Variants in ADAM12 observed in about 807,000 individuals in gnomAD.
ADAM12 encodes ADAM metallopeptidase domain 12, also known as disintegrin and metalloproteinase domain-containing protein 12.
A neutral mutation model predicts 106.4 loss-of-function variants in ADAM12; 70 were observed. The observed-to-expected ratio is 0.66, with a 90% CI of 0.54 to 0.80. The LOEUF (loss-of-function observed/expected upper bound fraction) is 0.80, where lower values mean the gene tolerates loss of function less well. Ranked by LOEUF, ADAM12 falls within the 30% of genes least tolerant of loss-of-function variation. The pLI, the probability that ADAM12 is intolerant of heterozygous loss-of-function variation, is 0.00. For missense variants in ADAM12, 1,010 were observed against 1,171.9 expected (o/e 0.86, Z 2.02); for synonymous variants, 420 against 433.5 (o/e 0.97, Z 0.39).
intron 1 of ADAM12, among the ~76,000 whole-genome samples, chr10:126,381,035 GC>G (rs1438680319): frequency 6.6e-6 from 1 of 152,172 alleles, no homozygotes; most frequent in Admixed American, 6.5e-5. Context: ...AAATGATGTA[GC>G]TACATTCCTT....
Position 126,388,220 on chromosome 10 carries a change from G to T in ADAM12, c.-75C>A. The T allele has an allele frequency of 5.0e-6, 6 of 1,192,070 alleles. No individual in the cohort carries two copies. Among genetic ancestry groups the T allele is most frequent in the Non-Finnish European group, 6.2e-6 (6 of 962,194 alleles). 73.8% of individuals were successfully genotyped at this position (1,192,070 alleles called of 1,614,324 possible). On this transcript the variant is annotated 5_prime_UTR_variant, in exon 1 of 23. Transcript: ENST00000448723. This position sits in a 1 kb window ranked among gnomAD's most constrained non-coding sequence, Gnocchi z 4.4. ...CACCATCCCACGCGGGCGCCGAGCC[G>T]GGGCCGGGCGTCGCGACCGGAGGGA... is the stretch of plus-strand genomic sequence containing the variant.
chr10:126,080,603 C>T (rs1419828219), intron 11 of ADAM12, among the ~76,000 whole-genome samples: 2 of 152,256 alleles, frequency 1.3e-5, no homozygotes, highest in African/African-American at 2.4e-5. Context: ...CTGTGGCCCC[C>T]GCTACGATGT....
chr10:126,347,713 T>C (rs1309062579), intron 1 of ADAM12, among the ~76,000 whole-genome samples: 8 of 152,240 alleles, frequency 5.3e-5, no homozygotes, highest in Admixed American at 5.2e-4. Flanking sequence ...TCAGTTATTT[T>C]TATTTCTTAA....
In ADAM12 at chr10:126,041,995, C is replaced by T. The variant is rs73374552; in HGVS notation, c.2104+1045G>A. On this transcript the variant is annotated intron_variant, in intron 18 of 22. Transcript: ENST00000448723. ...AGGCTGGACTTCCCCTCCTGAGCCC[C>T]GAGAACTGTGTTGTGTCTGTTGTCA... is the stretch of plus-strand genomic sequence containing the variant. The T allele has an allele frequency of 9.1e-4, 1,310 of 1,438,500 alleles. 8 individuals are homozygous for T. The African/African-American group carries it at 0.016, about 18-fold the overall frequency. 89.1% of individuals were successfully genotyped at this position (1,438,500 alleles called of 1,614,324 possible). A position where few individuals can be genotyped will look rare whatever the true frequency, so the allele number is the denominator to read the frequency against.
chr10:126,290,997 T>A (rs1029242331), intron 2 of ADAM12, among the ~76,000 whole-genome samples: 1 of 152,248 alleles, frequency 6.6e-6, no homozygotes, highest in Non-Finnish European at 1.5e-5. Flanking sequence ...ATTAAAATAT[T>A]ATAAAAGCAC....
chr10:126,072,341 G>C (rs1417996792), intron 11 of ADAM12, among the ~76,000 whole-genome samples: 1 of 152,168 alleles, frequency 6.6e-6, no homozygotes. Flanking sequence ...CTCCCCTTCT[G>C]TGCTCTAGAA....
chr10:126,135,601 G>A lies in ADAM12; in HGVS notation c.399C>T (p.Ser133=), dbSNP rs1438798198. The change falls in exon 5 of 23, where the codon AGC becomes AGT. Residue 133 remains serine, a synonymous_variant. Transcript: ENST00000448723. ...CCACTTACCTGAGACCAGAACACGT[G>A]CTGAGACTGACTGCTGAATCAGAAT... ...RGYSDSAVSL[S]TCSGLRGLIV... is the part of the protein sequence containing the mutation. 1 of 1,614,210 alleles carries A rather than the reference G, an allele frequency of 6.2e-7. No homozygotes were observed. The highest frequency in any genetic ancestry group is 1.3e-5 in the African/African-American group (1 of 75,066).
chr10:126,293,684 A>T (rs1163369298), intron 2 of ADAM12, among the ~76,000 whole-genome samples: 1 of 151,964 alleles, frequency 6.6e-6, no homozygotes, highest in Non-Finnish European at 1.5e-5. Flanking sequence ...ACGCCTGGCC[A>T]ATTTTTGTTG....
At chr10:126,321,904 T>TGGG (rs371286030) in intron 2 of ADAM12, among the ~76,000 whole-genome samples, 1,381 of 88,558 alleles carry the variant, frequency 0.016, 17 homozygotes, top group African/African-American at 0.018. Context: ...TACCTGGGGG[T>TGGG]CGGGGGGGGG....
intron 1 of ADAM12, among the ~76,000 whole-genome samples, chr10:126,371,855 A>T (rs914002807): frequency 3.9e-5 from 6 of 152,210 alleles, no homozygotes; most frequent in African/African-American, 1.2e-4. Context: ...GGCTAGGAAA[A>T]TTCATGCCCC....
intron 3 of ADAM12, among the ~76,000 whole-genome samples, chr10:126,211,304 G>A (rs972762392): frequency 2.0e-5 from 3 of 152,168 alleles, no homozygotes; most frequent in African/African-American, 7.2e-5. Context: ...TTGCCAAATG[G>A]AGCTAGGCAG....
At position 126,064,638 on chromosome 10, in the gene ADAM12, C is replaced by G; in HGVS notation, c.1609+168G>C. The G allele has an allele frequency of 1.4e-6, 1 of 715,494 alleles. No homozygotes were observed. The highest frequency in any genetic ancestry group is 2.3e-6 in the Non-Finnish European group (1 of 440,698). The allele number at this position is 715,494 out of a possible 1,614,324, so 44.3% of individuals were successfully genotyped here. ...TCTGTGCACCCCATGCCCAGTGCGG[C>G]CTCAGACCCTCCCTGGGAGTCAATC... On this transcript the variant is annotated intron_variant, in intron 14 of 22. Transcript: ENST00000448723. The surrounding 1 kb of genome is among the most constrained non-coding windows in gnomAD (Gnocchi z 4.4).
intron 21 of ADAM12, among the ~76,000 whole-genome samples, chr10:126,034,588 T>A (rs1306384228): frequency 1.3e-5 from 2 of 152,166 alleles, no homozygotes; most frequent in East Asian, 3.8e-4. Flanking sequence ...GCATTAAATA[T>A]GAATGTTCTA....
intron 1 of ADAM12, among the ~76,000 whole-genome samples, chr10:126,331,189 C>A (rs1205432279): frequency 6.6e-6 from 1 of 152,192 alleles, no homozygotes; most frequent in Non-Finnish European, 1.5e-5. Context: ...GAAAGTATAA[C>A]ATTTTTCTCT....
chr10:126,189,027 G>T (rs578173569), intron 3 of ADAM12, among the ~76,000 whole-genome samples: 15 of 152,286 alleles, frequency 9.8e-5, no homozygotes, highest in African/African-American at 3.6e-4. Flanking sequence ...ATCAGGTGCA[G>T]TGTGAGCCCT....
intron 5 of ADAM12, among the ~76,000 whole-genome samples, chr10:126,126,847 T>C (rs1956214411): frequency 6.6e-6 from 1 of 150,894 alleles, no homozygotes; most frequent in African/African-American, 2.5e-5. Context: ...GTCAGGCTTA[T>C]AGACTCGAGG....
intron 3 of ADAM12, among the ~76,000 whole-genome samples, chr10:126,210,601 G>C (rs1392546891): frequency 6.6e-6 from 1 of 152,210 alleles, no homozygotes; most frequent in African/African-American, 2.4e-5. Flanking sequence ...AAGAAGTCCA[G>C]TGAAGAAGGT....
chr10:126,274,199 G>C (rs1959198075), intron 3 of ADAM12, among the ~76,000 whole-genome samples: 1 of 152,170 alleles, frequency 6.6e-6, no homozygotes, highest in African/African-American at 2.4e-5. Flanking sequence ...GGCGGAAGAG[G>C]AAAGGAAAGA....
chr10:126,142,079 C>T (rs79349660), intron 4 of ADAM12, among the ~76,000 whole-genome samples: 2 of 152,182 alleles, frequency 1.3e-5, no homozygotes, highest in Admixed American at 6.5e-5. Flanking sequence ...CCAGACACTT[C>T]CCTCCATACC....
Sources: gnomAD v4.1 joint callset for allele counts (sites outside exome capture counted in the v4.1 genomes callset) on GRCh38, gnomAD v4.1.1 for gene constraint, Gnocchi (gnomAD v3.1) non-coding constraint, MANE v1.5 for transcripts, NCBI Gene and HGNC (gene_info 2026-07-23, HGNC 2026-07-21) for gene names.